Variants in GLB1L3 observed in about 807,000 individuals in gnomAD.
GLB1L3 encodes beta-galactosidase-1-like protein 3.
GLB1L3 carries 89 observed loss-of-function variants against 89.5 expected under a neutral mutation model. The ratio of observed to expected loss-of-function variants is 0.99; its 90% CI spans 0.84 to 1.19. The LOEUF (loss-of-function observed/expected upper bound fraction) is 1.19. GLB1L3 is among the 50% of genes most tolerant of loss of function. The pLI is 0.00. For synonymous variants in GLB1L3, 314 were observed against 312.3 expected (o/e 1.01, Z -0.06); for missense variants, 812 against 813.3 (o/e 1.00, Z 0.02).
At chr11:134,287,517 G>A (rs1437971424) in intron 6 of GLB1L3, among the ~76,000 whole-genome samples, 1 of 152,210 alleles carries the variant, frequency 6.6e-6, no homozygotes, top group African/African-American at 2.4e-5. Flanking sequence ...TATTTCACAA[G>A]GCCGACTGGA....
chr11:134,300,022 C>T (rs964899593), intron 9 of GLB1L3, among the ~76,000 whole-genome samples: 1 of 152,104 alleles, frequency 6.6e-6, no homozygotes, highest in African/African-American at 2.4e-5. Context: ...GTGGCGGTGG[C>T]TCTCTCCCCT....
At position 134,283,720 on chromosome 11, in the gene GLB1L3, G is replaced by A. The variant is rs765847708; in HGVS notation, c.528-17G>A. 1.4e-5 allele frequency: 21 copies of A among 1,520,160 alleles called. No homozygotes were observed. The highest frequency in any genetic ancestry group is 1.7e-5 in the Admixed American group (1 of 58,702). 94.2% of individuals were successfully genotyped at this position (1,520,160 alleles called of 1,614,324 possible). ...CCAACCCGTCTCAGACCCTGAGCCC[G>A]CCCCTCTTGCCCCCAGCTGGCTCCT... On this transcript the variant is annotated splice_polypyrimidine_tract_variant and intron_variant, in intron 5 of 19. Coordinates refer to ENST00000431683, the MANE Select transcript of GLB1L3 (RefSeq NM_001080407.3).
chr11:134,312,642 T>A (rs1299157456), intron 14 of GLB1L3, among the ~76,000 whole-genome samples, 153 bp downstream of exon 14: 3 of 152,174 alleles, frequency 2.0e-5, no homozygotes, highest in African/African-American at 7.2e-5. Flanking sequence ...TAGACTTGCT[T>A]TCTGCTTTAT....
chr11:134,315,522 C>CT (rs1226297158), intron 18 of GLB1L3, among the ~76,000 whole-genome samples: 1 of 152,078 alleles, frequency 6.6e-6, no homozygotes, highest in African/African-American at 2.4e-5. Flanking sequence ...GATTTTGTTT[C>CT]TTTTAAAGTT....
intron 6 of GLB1L3, 38 bp downstream of exon 6, chr11:134,283,883 C>G: frequency 8.3e-7 from 1 of 1,205,116 alleles, no homozygotes; most frequent in Non-Finnish European, 1.2e-6. Flanking sequence ...TCTTACGTGC[C>G]CTTTAGGGAA....
intron 9 of GLB1L3, chr11:134,305,196 C>G: frequency 2.7e-6 from 3 of 1,118,762 alleles, no homozygotes; most frequent in African/African-American, 1.5e-5. Flanking sequence ...ATCTGTGATT[C>G]TTCCATAATT....
At position 134,307,226 on chromosome 11, in the gene GLB1L3, T is replaced by C. The variant is rs772391159; in HGVS notation, c.961+18T>C. 6.3e-7 allele frequency: 1 copy of C among 1,589,146 alleles called. No individual in the cohort carries two copies. Among genetic ancestry groups the C allele is most frequent in the South Asian group, 1.1e-5 (1 of 89,538 alleles). On this transcript the variant is annotated intron_variant, in intron 10 of 19. Coordinates refer to ENST00000431683, the MANE Select transcript of GLB1L3 (RefSeq NM_001080407.3). ...TGCAAAGGGTGAGTGTTTTGCAGTGTTTGACTCCAGGAAGAGATGGCCCCA... is the reference window on the plus strand; with the variant it reads ...TGCAAAGGGTGAGTGTTTTGCAGTGCTTGACTCCAGGAAGAGATGGCCCCA...
At chr11:134,299,558 T>C (rs909988030) in intron 9 of GLB1L3, among the ~76,000 whole-genome samples, 1 of 152,198 alleles carries the variant, frequency 6.6e-6, no homozygotes, top group African/African-American at 2.4e-5. Context: ...TGGTACCTTG[T>C]GTCAAGGGCA....
intron 1 of GLB1L3, 84 bp downstream of exon 1, chr11:134,276,847 C>T: frequency 8.4e-7 from 1 of 1,190,788 alleles, no homozygotes; most frequent in South Asian, 2.7e-5. Context: ...GTTCTGTGGC[C>T]GGCCACGCGC....
In GLB1L3 at chr11:134,311,125, G is replaced by A. The variant is rs1236064997; in HGVS notation, c.1242G>A (p.Pro414=). 8.1e-6 allele frequency: 13 copies of A among 1,613,736 alleles called. No individual in the cohort carries two copies. Among genetic ancestry groups the A allele is most frequent in the South Asian group, 2.2e-5 (2 of 91,066 alleles). Residue 414 remains proline (P), a synonymous_variant, in exon 13 of 20, where the codon CCG becomes CCA. Coordinates refer to ENST00000431683, the MANE Select transcript of GLB1L3 (RefSeq NM_001080407.3). ...PPKAVYPPVR[P]SLYLPLWDAL... ...AGGCTGTGTATCCCCCCGTGAGACC[G>A]TCGCTGTACCTCCCGCTGTGGGACG...
chr11:134,280,239 G>A (rs1940611237), intron 3 of GLB1L3, among the ~76,000 whole-genome samples: 1 of 151,556 alleles, frequency 6.6e-6, no homozygotes, highest in African/African-American at 2.4e-5. Context: ...CATTTATCTT[G>A]GGATCATGGA....
At position 134,277,433 on chromosome 11, in the gene GLB1L3, C is replaced by T. The variant is rs987685428; in HGVS notation, c.131C>T (p.Ala44Val). 2.5e-6 allele frequency: 4 copies of T among 1,613,336 alleles called. No homozygotes were observed. Among genetic ancestry groups the T allele is most frequent in the Non-Finnish European group, 3.4e-6 (4 of 1,179,512 alleles). ...GAAGAGAACTTCATGCTTGGAAGAG[C>T]GCATCCGTCCCAGCCTAGGTTTGCT... ...KQEENFMLGR[A>V]HPSQPRFNWS... Residue 44 changes from alanine to valine, a missense_variant, in exon 2 of 20, where the codon GCG (alanine) becomes GTG (valine). Physicochemically the swap from Ala to Val is moderately conservative, Grantham distance 64. This residue lies in a region of GLB1L3 where 191 missense variants were observed against 191.4 expected (regional missense o/e 1.00). Coordinates refer to ENST00000431683, the MANE Select transcript of GLB1L3 (RefSeq NM_001080407.3).
intron 11 of GLB1L3, chr11:134,310,203 T>C (rs1334431486): frequency 2.8e-6 from 1 of 358,210 alleles, no homozygotes; most frequent in Non-Finnish European, 5.2e-6. Flanking sequence ...CTAACACTAA[T>C]GATAGCTGAT....
chr11:134,310,782 C>T, intron 12 of GLB1L3, 131 bp downstream of exon 12: 1 of 687,772 alleles, frequency 1.5e-6, no homozygotes, highest in Non-Finnish European at 2.5e-6. Context: ...CAAGGGCAAC[C>T]TTAACTTCGA....
rs1223078945 is a variant in GLB1L3, at chr11:134,314,321, T to G, written c.1668-9T>G. ...CTTCTTCTCCCCCATGGCTTGGCCT[T>G]TCTTCCAGGCTCCGCTCTGCCACCT... On this transcript the variant is annotated splice_polypyrimidine_tract_variant and intron_variant, in intron 17 of 19. Transcript: ENST00000431683. 1 of 1,538,604 alleles carries G rather than the reference T, an allele frequency of 6.5e-7. No homozygotes were observed.
intron 18 of GLB1L3, chr11:134,316,895 C>G (rs1013140036): frequency 6.6e-6 from 1 of 152,240 alleles, no homozygotes; most frequent in African/African-American, 2.4e-5. Context: ...CATTGAGAAG[C>G]TTCCCTGGGT....
chr11:134,294,771 G>A (rs917028301), intron 9 of GLB1L3, among the ~76,000 whole-genome samples: 9 of 152,208 alleles, frequency 5.9e-5, no homozygotes, highest in African/African-American at 1.7e-4. Flanking sequence ...TTCACACAGC[G>A]TGGTGTTTCT....
intron 7 of GLB1L3, among the ~76,000 whole-genome samples, chr11:134,290,579 C>CTA (rs143545857): frequency 4.7e-4 from 55 of 117,084 alleles, no homozygotes; most frequent in Non-Finnish European, 6.4e-4. Flanking sequence ...CCCCCCCCGC[C>CTA]AAAAAAAAAG....
At chr11:134,291,921 G>A (rs372011627) in intron 7 of GLB1L3, among the ~76,000 whole-genome samples, 2 of 152,192 alleles carry the variant, frequency 1.3e-5, no homozygotes, top group African/African-American at 4.8e-5. Flanking sequence ...GTTATAGTGA[G>A]CTATGATCGT....
Sources: allele counts gnomAD v4.1 joint callset (sites outside exome capture counted in the v4.1 genomes callset), GRCh38; gene constraint gnomAD v4.1.1; regional missense constraint gnomAD v4.1.1; transcripts MANE v1.5; gene names NCBI Gene and HGNC (gene_info 2026-07-23, HGNC 2026-07-21).